The following STXBP5 variants were observed in gnomAD, a reference collection of about 807,000 sequenced individuals.
STXBP5 encodes syntaxin binding protein 5.
A neutral mutation model predicts 152.4 loss-of-function variants in STXBP5; 50 were observed. The ratio of observed to expected loss-of-function variants is 0.33; its 90% CI spans 0.26 to 0.42. The LOEUF (loss-of-function observed/expected upper bound fraction) is 0.42, where lower values mean the gene tolerates loss of function less well. STXBP5 is among the 10% of genes least tolerant of loss of function. STXBP5 has a pLI of 1.00. For synonymous variants in STXBP5, 492 were observed against 494.7 expected, an observed-to-expected ratio of 0.99 and a Z score of 0.07; for missense variants, 1,167 against 1,388.6, an observed-to-expected ratio of 0.84 and a Z score of 2.54.
intron 4 of STXBP5, among the ~76,000 whole-genome samples, chr6:147,259,994 A>G (rs1393768620): frequency 4.6e-5 from 7 of 152,208 alleles, no homozygotes; most frequent in African/African-American, 1.7e-4. Context: ...AATAGTTCAA[A>G]TATATTTCAG....
At chr6:147,376,975 A>G (rs1435743323) in intron 26 of STXBP5, among the ~76,000 whole-genome samples, 1 of 152,160 alleles carries the variant, frequency 6.6e-6, no homozygotes, top group Non-Finnish European at 1.5e-5. Context: ...ATTAGACATT[A>G]AGGCATTATT....
intron 16 of STXBP5, among the ~76,000 whole-genome samples, chr6:147,318,860 G>A (rs150126803): frequency 6.6e-6 from 1 of 151,978 alleles, no homozygotes; most frequent in East Asian, 1.9e-4. Context: ...TTTTCCTTTT[G>A]AATATCACTG....
At chr6:147,279,231 A>G (rs980146880) in intron 8 of STXBP5, among the ~76,000 whole-genome samples, 1 of 152,208 alleles carries the variant, frequency 6.6e-6, no homozygotes, top group Admixed American at 6.5e-5. Flanking sequence ...TTTATTAGAA[A>G]CAGATTATGA....
intron 17 of STXBP5, among the ~76,000 whole-genome samples, chr6:147,326,810 A>G (rs1370632751): frequency 3.9e-5 from 6 of 152,176 alleles, no homozygotes; most frequent in African/African-American, 1.4e-4. Context: ...AAATGCCCCC[A>G]AGGTAGAAAA....
Position 147,316,290 on chromosome 6 carries a change from C to T in STXBP5, c.1685C>T (p.Pro562Leu). The change falls in exon 16 of 28, where the codon CCA becomes CTA. Residue 562 changes from proline to leucine, a missense_variant. By Grantham distance (98) the Pro-to-Leu change is moderately conservative. Transcript: ENST00000321680. Reference protein sequence around the residue: ...NDVETPEGEQPPPLPTPVGGS... With the variant: ...NDVETPEGEQLPPLPTPVGGS... ...GTGGAAACTCCGGAGGGTGAGCAGC[C>T]ACCACCTTTGCCAACACCCGTGGGA... The T allele has an allele frequency of 6.2e-7, 1 of 1,613,906 alleles. No homozygotes were observed. The highest frequency in any genetic ancestry group is 8.5e-7 in the Non-Finnish European group (1 of 1,179,918).
chr6:147,378,028 C>T (rs1294075219), intron 26 of STXBP5, among the ~76,000 whole-genome samples: 1 of 151,994 alleles, frequency 6.6e-6, no homozygotes, highest in Non-Finnish European at 1.5e-5. Context: ...TGAAAGTCGA[C>T]AAAAAGCTAA....
rs537247731 is a variant in STXBP5, at chr6:147,260,595, A to G, written c.432-20A>G. Reference sequence around the variant, plus strand: ...TGCCATTTTTCAAATTTCTTTTTTGAGTATATTTTTCTCTTGCAGGGTTAC... The same window carrying G: ...TGCCATTTTTCAAATTTCTTTTTTGGGTATATTTTTCTCTTGCAGGGTTAC... On this transcript the variant is annotated intron_variant, in intron 4 of 27. Transcript: ENST00000321680. 1 of 1,613,274 alleles carries G rather than the reference A, an allele frequency of 6.2e-7. No individual in the cohort carries two copies. Among genetic ancestry groups the G allele is most frequent in the South Asian group, 1.1e-5 (1 of 91,056 alleles).
intron 21 of STXBP5, 132 bp downstream of exon 21, chr6:147,339,516 GC>G (rs1294984064): frequency 1.5e-6 from 1 of 651,662 alleles, no homozygotes; most frequent in Admixed American, 4.1e-5. Context: ...AATCTCTTGG[GC>G]TGTGTCTCTT....
chr6:147,250,969 CAAAAAA>C (rs887963991), intron 4 of STXBP5, among the ~76,000 whole-genome samples: 3 of 52,946 alleles, frequency 5.7e-5, no homozygotes, highest in African/African-American at 7.3e-5. Flanking sequence ...ACCTTGTCTC[CAAAAAA>C]AAAAAAAAAA....
At chr6:147,346,212 T>C (rs1034985578) in intron 21 of STXBP5, among the ~76,000 whole-genome samples, 4 of 152,172 alleles carry the variant, frequency 2.6e-5, no homozygotes, top group Non-Finnish European at 4.4e-5. Flanking sequence ...TAAATGAGTT[T>C]CGTAAGTGAT....
chr6:147,342,524 A>T (rs1784139642), intron 21 of STXBP5, among the ~76,000 whole-genome samples: 1 of 152,212 alleles, frequency 6.6e-6, no homozygotes, highest in African/African-American at 2.4e-5. Context: ...TGCATGTAGT[A>T]TGTATGCATA....
chr6:147,297,042 A>G (rs2128357834), intron 9 of STXBP5, among the ~76,000 whole-genome samples: 1 of 152,346 alleles, frequency 6.6e-6, no homozygotes, highest in South Asian at 2.1e-4. Flanking sequence ...AGGCGCAGAA[A>G]ACATATTTAA....
At chr6:147,314,080 T>C (rs1462252006) in intron 12 of STXBP5, 49 bp downstream of exon 12, 9 of 1,522,046 alleles carry the variant, frequency 5.9e-6, no homozygotes, top group African/African-American at 2.8e-5. Context: ...TTATTTATTC[T>C]ATATTTATCA....
chr6:147,296,210 G>T (rs1259547620), intron 9 of STXBP5, among the ~76,000 whole-genome samples: 2 of 151,876 alleles, frequency 1.3e-5, no homozygotes, highest in African/African-American at 4.8e-5. Flanking sequence ...GCATGAACCT[G>T]TGCCTTCAGT....
intron 21 of STXBP5, among the ~76,000 whole-genome samples, chr6:147,347,809 TGTAAG>T (rs1227113066): frequency 1.3e-5 from 2 of 152,196 alleles, no homozygotes; most frequent in African/African-American, 4.8e-5. Context: ...TTTAGTTAGA[TGTAAG>T]GAAAAGCAAA....
At chr6:147,208,891 A>G (rs185809991) in intron 2 of STXBP5, among the ~76,000 whole-genome samples, 2 of 152,286 alleles carry the variant, frequency 1.3e-5, no homozygotes, top group African/African-American at 2.4e-5. Flanking sequence ...ATAACAAATT[A>G]TGAGGCAAAA....
intron 8 of STXBP5, among the ~76,000 whole-genome samples, chr6:147,284,824 A>T (rs1003372090): frequency 6.6e-6 from 1 of 152,268 alleles, no homozygotes; most frequent in African/African-American, 2.4e-5. Flanking sequence ...ATATCAAAGT[A>T]TGATAAAAAG....
Position 147,275,494 on chromosome 6 carries a change from TC to T in STXBP5, c.715-2585del, listed in dbSNP as rs1268058232. 3.3e-5 allele frequency among the ~76,000 whole-genome samples: 5 copies of T among 151,592 alleles called. No homozygotes were observed. In the South Asian group the frequency reaches 1.0e-3, roughly 32 times the overall value. ...TCCTTTATTCCTCTTTCTAACATGA[TC>T]CTGTTATTCATATATATGTATAATT... On this transcript the variant is annotated intron_variant, in intron 7 of 27. Transcript: ENST00000321680.
intron 4 of STXBP5, among the ~76,000 whole-genome samples, chr6:147,240,757 AC>A (rs1778502140): frequency 6.6e-6 from 1 of 152,176 alleles, no homozygotes; most frequent in Non-Finnish European, 1.5e-5. Context: ...AGATTGTCTT[AC>A]TTGATTCTCA....
Sources: gnomAD v4.1 joint callset for allele counts (sites outside exome capture counted in the v4.1 genomes callset) on GRCh38, gnomAD v4.1.1 for gene constraint, MANE v1.5 for transcripts, NCBI Gene and HGNC (gene_info 2026-07-23, HGNC 2026-07-21) for gene names.